The following TMEM243 variants were observed in gnomAD, a reference collection of about 807,000 sequenced individuals.
TMEM243 encodes the protein transmembrane protein 243.
Under a neutral mutation model 15.0 loss-of-function variants are expected in TMEM243, and 20 were observed. The ratio of observed to expected loss-of-function variants is 1.33; its 90% CI spans 0.94 to 1.93. The LOEUF (loss-of-function observed/expected upper bound fraction) is 1.93. Ranked by LOEUF, TMEM243 falls within the 30% of genes most tolerant of loss-of-function variation. The pLI, the probability that TMEM243 is intolerant of heterozygous loss-of-function variation, is 0.00. For missense variants in TMEM243, 156 were observed against 142.1 expected, an observed-to-expected ratio of 1.10 and a Z score of -0.50; for synonymous variants, 72 against 52.7, an observed-to-expected ratio of 1.37 and a Z score of -1.59.
In TMEM243 at chr7:87,219,536, A is replaced by G. The variant is rs747858914; in HGVS notation, c.-33T>C. On this transcript the variant is annotated 5_prime_UTR_variant, in exon 1 of 4. An upstream open reading frame in the 5' UTR loses its in-frame stop. Transcript: ENST00000257637. ...TTTCTTCACTTTCCCCAAGCCACTT[A>G]AAAGCAAGACAGCATGACCTCCCGA... 1.4e-5 allele frequency: 22 copies of G among 1,606,330 alleles called. No homozygotes were observed. The highest frequency in any genetic ancestry group is 1.6e-4 in the Middle Eastern group (1 of 6,068).
chr7:87,201,884 G>A (rs968323998), intron 1 of TMEM243, among the ~76,000 whole-genome samples: 1 of 152,174 alleles, frequency 6.6e-6, no homozygotes, highest in African/African-American at 2.4e-5. Context: ...ACTCCACAAG[G>A]AAGCTTGACA....
intron 1 of TMEM243, among the ~76,000 whole-genome samples, chr7:87,209,671 CG>C (rs763150073): frequency 0.34 from 8,227 of 24,200 alleles, 767 homozygotes; most frequent in Middle Eastern, 0.47. Context: ...CGAGAGAGAG[CG>C]AGAGCGAGAC....
chr7:87,207,707 C>T (rs1413041796), intron 1 of TMEM243, among the ~76,000 whole-genome samples: 1 of 152,214 alleles, frequency 6.6e-6, no homozygotes, highest in African/African-American at 2.4e-5. Context: ...TTGAGAACTC[C>T]ATTTTTGGTG....
chr7:87,196,451 TAAAGAA>T lies in TMEM243; in HGVS notation c.*179_*184del. On this transcript the variant is annotated 3_prime_UTR_variant, in exon 4 of 4. Transcript: ENST00000257637. Reference sequence around the variant, plus strand: ...ATGTTTAGGTGCAACATCAGCTCCTTAAAGAAAAAGCAAAGTGATCTAGGATATGTC... The same window carrying T: ...ATGTTTAGGTGCAACATCAGCTCCTTAAAGCAAAGTGATCTAGGATATGTC... The T allele has an allele frequency of 3.6e-6, 2 of 550,876 alleles. No homozygotes were observed. The highest frequency in any genetic ancestry group is 6.0e-6 in the Non-Finnish European group (2 of 331,548). 34.1% of individuals were successfully genotyped at this position (550,876 alleles called of 1,614,324 possible). A position where few individuals can be genotyped will look rare whatever the true frequency, so the allele number is the denominator to read the frequency against.
chr7:87,209,491 AGAGAGAGAGAGAGTGAGAAAGACAGT>A (rs1802470031), intron 1 of TMEM243, among the ~76,000 whole-genome samples: 2 of 141,192 alleles, frequency 1.4e-5, no homozygotes, highest in Admixed American at 7.0e-5. Flanking sequence ...ATAGTGAGAG[AGAGAGAGAGAGAGTGAGAAAGACAGT>A]GAGAGAGAGA....
rs756720367 is a variant in TMEM243 at position 87,199,015 on chromosome 7, A to G, written c.121T>C (p.Leu41=). 34 of 1,603,094 alleles carry G rather than the reference A, an allele frequency of 2.1e-5. No homozygotes were observed. Among genetic ancestry groups the G allele is most frequent in the Middle Eastern group, 1.7e-4 (1 of 5,992 alleles). ...NLVVGSLTSL[L]ILVTLISAFV... is the part of the protein sequence containing the mutation. ...AAAATGAGGATACTTACTAGAATCA[A>G]TAAGGATGTTAAGCTGCCAACAACT... Residue 41 remains leucine (L), a synonymous_variant, in exon 2 of 4, where the codon TTG becomes CTG. Transcript: ENST00000257637.
At chr7:87,214,260 C>A (rs909000447) in intron 1 of TMEM243, among the ~76,000 whole-genome samples, 2 of 152,222 alleles carry the variant, frequency 1.3e-5, no homozygotes, top group African/African-American at 4.8e-5. Context: ...GACTGACTCG[C>A]AAGCCCTGAG....
intron 1 of TMEM243, among the ~76,000 whole-genome samples, chr7:87,200,654 C>T (rs1801730954): frequency 6.6e-6 from 1 of 152,136 alleles, no homozygotes. Flanking sequence ...CTATGCCAAG[C>T]ACATTCACCA....
At chr7:87,198,086 C>T (rs1413194264) in intron 2 of TMEM243, 41 bp from the exon 3 acceptor site, 5 of 1,545,412 alleles carry the variant, frequency 3.2e-6, no homozygotes, top group Non-Finnish European at 2.7e-6. Flanking sequence ...ACAGTAATTC[C>T]AAGACTTGGT....
chr7:87,219,522 T>C lies in TMEM243; in HGVS notation c.-19A>G, dbSNP rs1584562811. On this transcript the variant is annotated 5_prime_UTR_variant, in exon 1 of 4. Coordinates refer to ENST00000257637, the MANE Select transcript of TMEM243 (RefSeq NM_024315.4). ...CCTCCATTTTGGGGTTTCTTCACTT[T>C]CCCCAAGCCACTTAAAAGCAAGACA... 6.2e-7 allele frequency: 1 copy of C among 1,612,872 alleles called. No homozygotes were observed. Among genetic ancestry groups the C allele is most frequent in the South Asian group, 1.1e-5 (1 of 90,996 alleles).
chr7:87,220,364 G>C (rs1478604794), upstream of TMEM243: 2 of 152,544 alleles, frequency 1.3e-5, no homozygotes, highest in Non-Finnish European at 2.9e-5. Context: ...GCCAAACCTC[G>C]GCATCCCCTA....
chr7:87,204,178 C>T lies in TMEM243; in HGVS notation c.79-5121G>A, dbSNP rs186717633. The stretch of plus-strand genomic sequence containing the variant: ...ATCTTGTGAGACTCATTCACTACTA[C>T]GAGAACAGTATGGGGGAAACCGTCC... On this transcript the variant is annotated intron_variant, in intron 1 of 3. Transcript: ENST00000257637. Among the ~76,000 whole-genome samples the T allele has an allele frequency of 1.1e-4, 17 of 152,276 alleles. No homozygotes were observed. The East Asian group carries it at 2.1e-3, about 19-fold the overall frequency.
chr7:87,198,675 A>G (rs765123531), intron 2 of TMEM243: 1 of 355,492 alleles, frequency 2.8e-6, no homozygotes, highest in Non-Finnish European at 5.1e-6. Context: ...CCAAAGGGTA[A>G]TGGATATGTT....
At position 87,219,569 on chromosome 7, in the gene TMEM243, G is replaced by T; in HGVS notation, c.-66C>A. ...GACAGCATGACCTCCCGAGGTCTCA[G>T]GTCCACGACTGCAAGCCTCCTCCTC... is the stretch of plus-strand genomic sequence containing the variant. On this transcript the variant is annotated 5_prime_UTR_variant, in exon 1 of 4. It adds an upstream start codon to the 5' untranslated region. Transcript: ENST00000257637. 7.1e-7 allele frequency: 1 copy of T among 1,417,408 alleles called. No homozygotes were observed. The highest frequency in any genetic ancestry group is 9.9e-7 in the Non-Finnish European group (1 of 1,007,150). 87.8% of individuals were successfully genotyped at this position (1,417,408 alleles called of 1,614,324 possible).
intron 1 of TMEM243, among the ~76,000 whole-genome samples, chr7:87,212,303 T>C (rs1802810213): frequency 6.6e-6 from 1 of 152,216 alleles, no homozygotes; most frequent in African/African-American, 2.4e-5. Context: ...CCCCAATTTC[T>C]ATGGCAGCTC....
chr7:87,204,867 C>CA (rs1670648625), intron 1 of TMEM243, among the ~76,000 whole-genome samples: 1 of 152,256 alleles, frequency 6.6e-6, no homozygotes, highest in African/African-American at 2.4e-5. Context: ...ATGGGAGCTT[C>CA]AACCCCACAT....
At chr7:87,202,258 C>T (rs1377746219) in intron 1 of TMEM243, among the ~76,000 whole-genome samples, 1 of 151,990 alleles carries the variant, frequency 6.6e-6, no homozygotes, top group Non-Finnish European at 1.5e-5. Context: ...GGAGAGACTA[C>T]CAGAGAAGTC....
chr7:87,212,548 GT>G (rs1396387530), intron 1 of TMEM243, among the ~76,000 whole-genome samples: 4 of 152,106 alleles, frequency 2.6e-5, no homozygotes, highest in Admixed American at 6.6e-5. Flanking sequence ...CTCAGTTTAA[GT>G]TTTTTTTAAT....
intron 1 of TMEM243, among the ~76,000 whole-genome samples, chr7:87,218,334 C>T (rs1240280673): frequency 1.3e-5 from 2 of 152,186 alleles, no homozygotes; most frequent in Non-Finnish European, 1.5e-5. Context: ...GAGTTTAAAA[C>T]GCTTTCATAT....
Sources: gnomAD v4.1 joint callset for allele counts (sites outside exome capture counted in the v4.1 genomes callset) on GRCh38, gnomAD v4.1.1 for gene constraint, MANE v1.5 for transcripts, NCBI Gene and HGNC (gene_info 2026-07-23, HGNC 2026-07-21) for gene names.